Variants in PGBD5 observed in about 807,000 individuals in gnomAD.
PGBD5 encodes piggyBac transposable element derived 5.
PGBD5 carries 14 observed loss-of-function variants against 47.9 expected under a neutral mutation model. That is an observed-to-expected ratio of 0.29 (90% CI 0.19 to 0.46). The LOEUF (loss-of-function observed/expected upper bound fraction) is 0.46. Among genes scored for constraint, PGBD5 ranks in the 20% least tolerant of loss-of-function variants. The pLI is 1.00. For missense variants in PGBD5, 635 were observed against 716.0 expected (o/e 0.89, Z 1.29); for synonymous variants, 316 against 306.3 (o/e 1.03, Z -0.33).
chr1:230,386,456 G>C (rs1656640960), intron 1 of PGBD5, among the ~76,000 whole-genome samples: 1 of 152,092 alleles, frequency 6.6e-6, no homozygotes, highest in African/African-American at 2.4e-5. Context: ...AATCTGCCTA[G>C]AGCACAGTAG....
chr1:230,404,343 G>A (rs1657217791), intron 1 of PGBD5, among the ~76,000 whole-genome samples: 1 of 152,074 alleles, frequency 6.6e-6, no homozygotes, highest in Non-Finnish European at 1.5e-5. Flanking sequence ...AGCCAGAAGT[G>A]GTGGCAGATT....
chr1:230,368,763 C>A (rs76381237), intron 1 of PGBD5, among the ~76,000 whole-genome samples: 1 of 151,782 alleles, frequency 6.6e-6, no homozygotes. Context: ...GAAGTACAGG[C>A]AGGTCCTGCC....
At chr1:230,372,222 C>T (rs984789933) in intron 1 of PGBD5, among the ~76,000 whole-genome samples, 1 of 152,178 alleles carries the variant, frequency 6.6e-6, no homozygotes, top group Non-Finnish European at 1.5e-5. Flanking sequence ...TTTCACTTTC[C>T]GGCAAATCAA....
intron 1 of PGBD5, among the ~76,000 whole-genome samples, chr1:230,394,047 T>C (rs1056205121): frequency 5.3e-5 from 8 of 152,010 alleles, no homozygotes; most frequent in African/African-American, 4.8e-5. Flanking sequence ...ACTTCTTTTA[T>C]CCAAATTCTA....
rs1389994162 is a variant in PGBD5, at chr1:230,365,724, G to A, written c.332-8403C>T. On this transcript the variant is annotated intron_variant, in intron 1 of 6. Coordinates refer to ENST00000391860, the MANE Select transcript of PGBD5 (RefSeq NM_001258311.2). ...GTGAGCACTACACTGCCACACGCTC[G>A]GCTCGAGGGCCCTCCAGTCAAAATC... 5.3e-5 allele frequency among the ~76,000 whole-genome samples: 8 copies of A among 152,186 alleles called. No individual in the cohort carries two copies. In the East Asian group the frequency reaches 9.6e-4, roughly 18 times the overall value.
chr1:230,366,697 C>T (rs903942366), intron 1 of PGBD5, among the ~76,000 whole-genome samples: 2 of 152,118 alleles, frequency 1.3e-5, no homozygotes, highest in African/African-American at 4.8e-5. Flanking sequence ...GTGTGGAATT[C>T]ACAGAGCTGG....
intron 1 of PGBD5, among the ~76,000 whole-genome samples, chr1:230,370,481 C>T (rs1032973953): frequency 7.2e-5 from 11 of 152,316 alleles, no homozygotes; most frequent in Middle Eastern, 3.4e-3. Context: ...TATGGCTGTA[C>T]GTGTTTATGT....
chr1:230,327,707 G>C (rs1044135315), intron 5 of PGBD5, among the ~76,000 whole-genome samples: 3 of 152,226 alleles, frequency 2.0e-5, no homozygotes, highest in Non-Finnish European at 4.4e-5. Context: ...CGTTCTCCAG[G>C]GCTCAGCGCA....
chr1:230,373,424 C>T (rs1350303696), intron 1 of PGBD5, among the ~76,000 whole-genome samples: 5 of 152,122 alleles, frequency 3.3e-5, no homozygotes, highest in Admixed American at 6.5e-5. Context: ...GACTGCTGAG[C>T]GATAACTGCC....
chr1:230,347,543 G>A (rs148479873), intron 3 of PGBD5, among the ~76,000 whole-genome samples: 1,571 of 146,898 alleles, frequency 0.011, 34 homozygotes, highest in African/African-American at 0.036. Context: ...GCAGTGGTGC[G>A]ATCTTGGCTC....
chr1:230,342,063 C>T (rs1667414414), intron 3 of PGBD5, among the ~76,000 whole-genome samples: 2 of 152,166 alleles, frequency 1.3e-5, no homozygotes, highest in African/African-American at 2.4e-5. Flanking sequence ...GGGACACATA[C>T]AGCACATGGG....
At chr1:230,347,900 G>A (rs1361893610) in intron 3 of PGBD5, among the ~76,000 whole-genome samples, 1 of 152,198 alleles carries the variant, frequency 6.6e-6, no homozygotes, top group Admixed American at 6.5e-5. Flanking sequence ...TCAGGACCCA[G>A]GTGATCCATC....
chr1:230,403,949 A>G (rs529463436), intron 1 of PGBD5, among the ~76,000 whole-genome samples: 1 of 152,354 alleles, frequency 6.6e-6, no homozygotes, highest in East Asian at 1.9e-4. Flanking sequence ...TTCTACTGCA[A>G]CATACAGAGG....
chr1:230,396,300 C>T (rs1326190759), intron 1 of PGBD5, among the ~76,000 whole-genome samples: 1 of 93,876 alleles, frequency 1.1e-5, no homozygotes, highest in African/African-American at 4.2e-5. Context: ...TTTACCCCCA[C>T]ACTCCTCCCT....
intron 1 of PGBD5, among the ~76,000 whole-genome samples, chr1:230,417,531 T>C (rs61824802): frequency 0.28 from 43,162 of 152,250 alleles, 7,382 homozygotes; most frequent in Non-Finnish European, 0.39. Flanking sequence ...CCAGTGCGAC[T>C]GCCCACGGGC....
chr1:230,367,799 A>T (rs1026179988), intron 1 of PGBD5, among the ~76,000 whole-genome samples: 6 of 152,196 alleles, frequency 3.9e-5, no homozygotes, highest in African/African-American at 1.4e-4. Context: ...TACTCCGTGG[A>T]GGCTCTTCAT....
rs1338030218 is a variant in PGBD5, at chr1:230,372,651, C to A, written c.332-15330G>T. Reference sequence around the variant, plus strand: ...TACATAAATCCTAATTATTTCACAGCCTCCTTAGAGATGTTCTCTGCTAAC... The same window carrying A: ...TACATAAATCCTAATTATTTCACAGACTCCTTAGAGATGTTCTCTGCTAAC... On this transcript the variant is annotated intron_variant, in intron 1 of 6. Transcript: ENST00000391860. Among the ~76,000 whole-genome samples the A allele has an allele frequency of 2.6e-5, 4 of 152,306 alleles. No individual in the cohort carries two copies. In the East Asian group the frequency reaches 7.7e-4, roughly 29 times the overall value.
chr1:230,348,071 A>G (rs1436587349), intron 3 of PGBD5, among the ~76,000 whole-genome samples: 2 of 152,236 alleles, frequency 1.3e-5, no homozygotes, highest in Non-Finnish European at 2.9e-5. Flanking sequence ...AACGAGCGGC[A>G]CAGCACAATG....
intron 1 of PGBD5, among the ~76,000 whole-genome samples, chr1:230,403,961 G>GC (rs1286094225): frequency 3.3e-5 from 5 of 151,340 alleles, no homozygotes; most frequent in South Asian, 2.1e-4. Context: ...ATACAGAGGA[G>GC]GAAAAAAAAA....
Sources: gnomAD v4.1 joint callset for allele counts (sites outside exome capture counted in the v4.1 genomes callset) on GRCh38, gnomAD v4.1.1 for gene constraint, MANE v1.5 for transcripts, NCBI Gene and HGNC (gene_info 2026-07-23, HGNC 2026-07-21) for gene names.